Variants in CALN1 observed in about 807,000 individuals in gnomAD.
CALN1 encodes calneuron 1.
A neutral mutation model predicts 30.6 loss-of-function variants in CALN1; 17 were observed. That is an observed-to-expected ratio of 0.56 (90% confidence interval 0.38 to 0.83). CALN1 has a LOEUF of 0.83. Among genes scored for constraint, CALN1 ranks in the 40% least tolerant of loss-of-function variants. The pLI is 0.00. For synonymous variants in CALN1, 156 were observed against 131.4 expected (o/e 1.19, Z -1.28); for missense variants, 291 against 354.9 (o/e 0.82, Z 1.45).
chr7:71,862,902 A>T (rs939681005), intron 5 of CALN1, among the ~76,000 whole-genome samples: 5 of 152,226 alleles, frequency 3.3e-5, no homozygotes, highest in African/African-American at 1.2e-4. Context: ...AATCCCATGT[A>T]ATGACAAGAT....
intron 1 of CALN1, among the ~76,000 whole-genome samples, chr7:72,431,222 G>T (rs905065610): frequency 4.6e-5 from 7 of 152,110 alleles, no homozygotes; most frequent in African/African-American, 1.7e-4. Flanking sequence ...AAGCCACTGA[G>T]CCGGGCACCA....
chr7:71,997,669 A>C (rs1431551233), intron 5 of CALN1, among the ~76,000 whole-genome samples: 2 of 152,214 alleles, frequency 1.3e-5, no homozygotes, highest in Non-Finnish European at 2.9e-5. Context: ...AAAATTCTAG[A>C]AAGCATCCAG....
chr7:71,872,403 T>TACC lies in CALN1; in HGVS notation c.502-61914_502-61912dup, dbSNP rs1371891562. Among the ~76,000 whole-genome samples, 13 of 152,358 alleles carry TACC rather than the reference T, an allele frequency of 8.5e-5. No individual in the cohort carries two copies. The South Asian group carries it at 2.7e-3, about 32-fold the overall frequency. On this transcript the variant is annotated intron_variant, in intron 5 of 6. Coordinates refer to ENST00000395275, the MANE Select transcript of CALN1 (RefSeq NM_031468.4). ...AGAATCTGTCCTTATTTTAACTTAG[T>TACC]ACCAGAATGTATTGTTTCCTTGCAA...
At chr7:72,085,551 T>G (rs1241931631) in intron 4 of CALN1, among the ~76,000 whole-genome samples, 2 of 152,220 alleles carry the variant, frequency 1.3e-5, no homozygotes, top group African/African-American at 4.8e-5. Flanking sequence ...TTAAGGCATC[T>G]AATGAAGCTC....
chr7:72,240,258 G>C (rs12667297), intron 3 of CALN1, among the ~76,000 whole-genome samples: 14,348 of 151,450 alleles, frequency 0.095, 1,293 homozygotes, highest in East Asian at 0.43. Flanking sequence ...GCAGTAGAGT[G>C]ATCATAGCTC....
At chr7:71,895,112 G>A (rs898225620) in intron 5 of CALN1, among the ~76,000 whole-genome samples, 7 of 152,080 alleles carry the variant, frequency 4.6e-5, no homozygotes, top group Non-Finnish European at 1.0e-4. Context: ...ACATCACCAC[G>A]TCCAGCTAAT....
chr7:71,845,354 G>A (rs1042819628), intron 5 of CALN1, among the ~76,000 whole-genome samples: 53 of 152,332 alleles, frequency 3.5e-4, no homozygotes, highest in South Asian at 4.1e-4. Flanking sequence ...CTGAGGAGGA[G>A]GCCTAGGCAG....
intron 5 of CALN1, among the ~76,000 whole-genome samples, chr7:71,971,930 C>CAAAAAAAAAAAAAAAAAAAAAA (rs764756514): frequency 2.6e-5 from 1 of 38,552 alleles, no homozygotes; most frequent in Non-Finnish European, 4.9e-5. Flanking sequence ...GACCCTGTCT[C>CAAAAAAAAAAAAAAAAAAAAAA]AAAAAAAAAA....
intron 5 of CALN1, among the ~76,000 whole-genome samples, chr7:71,930,975 C>CT (rs1161673421): frequency 1.3e-5 from 2 of 152,028 alleles, no homozygotes; most frequent in African/African-American, 2.4e-5. Context: ...GGTCTGCAAA[C>CT]TTTTTTTTCT....
At chr7:71,925,820 G>A (rs762448716) in intron 5 of CALN1, among the ~76,000 whole-genome samples, 1 of 152,272 alleles carries the variant, frequency 6.6e-6, no homozygotes, top group Non-Finnish European at 1.5e-5. Context: ...GAGGCATTCT[G>A]CAATTCCTGG....
Position 72,186,288 on chromosome 7 carries a change from G to A in CALN1, c.245-79994C>T, listed in dbSNP as rs543783203. 2.6e-5 allele frequency among the ~76,000 whole-genome samples: 4 copies of A among 152,170 alleles called. No homozygotes were observed. The South Asian group carries it at 8.3e-4, about 32-fold the overall frequency. On this transcript the variant is annotated intron_variant, in intron 3 of 6. Coordinates refer to ENST00000395275, the MANE Select transcript of CALN1 (RefSeq NM_031468.4). ...GGTGACTGTAGTTACAGCAGCAATA[G>A]GAACCGAATGGACAGGTGGGAAAAG... is the stretch of plus-strand genomic sequence containing the variant.
Position 72,310,797 on chromosome 7 carries a change from G to A in CALN1, c.120-31987C>T, listed in dbSNP as rs184747515. ...GGGCACCTGTAATCCCAGCAACTCAGGAGGCTGAGGCAGGAGAATCACTTG... is the reference window on the plus strand; with the variant it reads ...GGGCACCTGTAATCCCAGCAACTCAAGAGGCTGAGGCAGGAGAATCACTTG... On this transcript the variant is annotated intron_variant, in intron 2 of 6. Coordinates refer to ENST00000395275, the MANE Select transcript of CALN1 (RefSeq NM_031468.4). Among the ~76,000 whole-genome samples the A allele has an allele frequency of 7.3e-3, 1,104 of 151,666 alleles. 17 individuals are homozygous for A. Among genetic ancestry groups the A allele is most frequent in the African/African-American group, 0.025 (1,050 of 41,370 alleles).
At chr7:72,309,349 A>T (rs189355012) in intron 2 of CALN1, among the ~76,000 whole-genome samples, 1 of 152,120 alleles carries the variant, frequency 6.6e-6, no homozygotes, top group East Asian at 1.9e-4. Context: ...GTCTGTGTGC[A>T]AATAAATCCA....
chr7:72,448,371 C>T (rs1247789987), upstream of CALN1, among the ~76,000 whole-genome samples: 1 of 152,128 alleles, frequency 6.6e-6, no homozygotes, highest in African/African-American at 2.4e-5. Flanking sequence ...TGATAGAGCA[C>T]GAATCTGTGT....
At chr7:71,811,522 A>G (rs1430443426) in intron 5 of CALN1, among the ~76,000 whole-genome samples, 1 of 150,958 alleles carries the variant, frequency 6.6e-6, no homozygotes, top group Non-Finnish European at 1.5e-5. Flanking sequence ...TCTTGTTCTA[A>G]CAAGATAAAA....
At chr7:71,897,240 T>C (rs1488648235) in intron 5 of CALN1, among the ~76,000 whole-genome samples, 1 of 152,238 alleles carries the variant, frequency 6.6e-6, no homozygotes, top group Non-Finnish European at 1.5e-5. Flanking sequence ...TGTTTATTGT[T>C]TTTTGTTATT....
At chr7:71,920,327 GTTCTTT>G (rs1413892200) in intron 5 of CALN1, among the ~76,000 whole-genome samples, 2 of 127,418 alleles carry the variant, frequency 1.6e-5, no homozygotes, top group African/African-American at 6.4e-5. Context: ...GGACAAATTA[GTTCTTT>G]TTTTTTTTTT....
intron 5 of CALN1, among the ~76,000 whole-genome samples, chr7:71,922,376 C>T (rs1427366531): frequency 6.6e-6 from 1 of 151,104 alleles, no homozygotes; most frequent in African/African-American, 2.4e-5. Context: ...ACCTATAGGA[C>T]TAGCCTACAG....
the CALN1 span, among the ~76,000 whole-genome samples, chr7:72,495,565 T>A: frequency 6.6e-6 from 1 of 152,202 alleles, no homozygotes; most frequent in Non-Finnish European, 1.5e-5. Context: ...CCACACCCCA[T>A]GAGCAAAAGA....
Sources: allele counts gnomAD v4.1 joint callset (sites outside exome capture counted in the v4.1 genomes callset), GRCh38; gene constraint gnomAD v4.1.1; transcripts MANE v1.5; gene names NCBI Gene and HGNC (gene_info 2026-07-23, HGNC 2026-07-21).